The following ZNF529 variants were observed in gnomAD, a reference collection of about 807,000 sequenced individuals.
The protein encoded by ZNF529 is zinc finger protein 529.
ZNF529 carries 11 observed loss-of-function variants against 10.1 expected under a neutral mutation model. The ratio of observed to expected loss-of-function variants is 1.09; its 90% confidence interval spans 0.69 to 1.81. ZNF529 has a LOEUF of 1.81. Ranked by LOEUF, ZNF529 falls within the 40% of genes most tolerant of loss-of-function variation. ZNF529 has a pLI of 0.00. For synonymous variants in ZNF529, 204 were observed against 215.7 expected, an observed-to-expected ratio of 0.95 and a Z score of 0.47; for missense variants, 624 against 666.8, an observed-to-expected ratio of 0.94 and a Z score of 0.71.
At chr19:36,556,828 A>G (rs1159502724) in intron 2 of ZNF529, among the ~76,000 whole-genome samples, 4 of 152,214 alleles carry the variant, frequency 2.6e-5, no homozygotes, top group African/African-American at 9.7e-5. Context: ...CATAGAACAG[A>G]GAGTTCTGTA....
intron 2 of ZNF529, among the ~76,000 whole-genome samples, chr19:36,567,400 G>A (rs2035938888): frequency 6.6e-6 from 1 of 151,882 alleles, no homozygotes; most frequent in Non-Finnish European, 1.5e-5. Context: ...CTCTTAGAAG[G>A]AAATGTAGGG....
At chr19:36,592,000 A>C (rs1326177357) in intron 1 of ZNF529, among the ~76,000 whole-genome samples, 1 of 151,602 alleles carries the variant, frequency 6.6e-6, no homozygotes, top group Non-Finnish European at 1.5e-5. Flanking sequence ...TTGGCTGGGC[A>C]TAGCAGCTCG....
intron 2 of ZNF529, chr19:36,580,522 G>A (rs1004592219): frequency 2.8e-4 from 42 of 152,120 alleles, no homozygotes; most frequent in African/African-American, 1.0e-3. Context: ...AATCTTATGG[G>A]ACCACCATTG....
rs2036084450 is a variant in ZNF529, at chr19:36,570,993, A to C, written c.14+1340T>G. On this transcript the variant is annotated intron_variant, in intron 2 of 4. Coordinates refer to ENST00000591340, the MANE Select transcript of ZNF529 (RefSeq NM_020951.5). ...AAACTGTAAAGCGGAAAAATGAGTA[A>C]CTATTAACCCCTTTGAAATGCAGTG... Among the ~76,000 whole-genome samples, 3 of 152,228 alleles carry C rather than the reference A, an allele frequency of 2.0e-5. No homozygotes were observed. In the South Asian group the frequency reaches 6.2e-4, roughly 31 times the overall value.
At chr19:36,585,429 A>G (rs997649512) in intron 2 of ZNF529, among the ~76,000 whole-genome samples, 8 of 152,140 alleles carry the variant, frequency 5.3e-5, no homozygotes, top group African/African-American at 1.9e-4. Context: ...CCCCACCTGC[A>G]CTGTTTTTAG....
chr19:36,565,316 C>T (rs1161524988), intron 2 of ZNF529, among the ~76,000 whole-genome samples: 1 of 152,092 alleles, frequency 6.6e-6, no homozygotes, highest in African/African-American at 2.4e-5. Context: ...AACTGAGGGA[C>T]CTCATTCGAA....
In ZNF529 at chr19:36,597,930, C is replaced by G. The variant is rs2036865263; in HGVS notation, c.-128+7196G>C. ...AGGAGACTGGATAAATTATCCAGAT[C>G]CTACATTATTGCCTGAACAGGTAGA... On this transcript the variant is annotated intron_variant, in intron 1 of 4. Transcript: ENST00000585960. Among the ~76,000 whole-genome samples the G allele has an allele frequency of 3.3e-5, 5 of 152,104 alleles. No homozygotes were observed. In the South Asian group the frequency reaches 1.0e-3, roughly 32 times the overall value.
At chr19:36,587,084 G>A (rs998633237) in intron 2 of ZNF529, among the ~76,000 whole-genome samples, 25 of 151,982 alleles carry the variant, frequency 1.6e-4, no homozygotes, top group African/African-American at 5.8e-4. Context: ...GGCCAACATG[G>A]TGAAACCCCA....
intron 2 of ZNF529, among the ~76,000 whole-genome samples, chr19:36,560,025 G>C (rs1267876459): frequency 6.6e-6 from 1 of 152,126 alleles, no homozygotes; most frequent in Non-Finnish European, 1.5e-5. Flanking sequence ...TTGAGAGGCT[G>C]AGGCGGGAGG....
chr19:36,564,451 C>T (rs1372038141), intron 2 of ZNF529, among the ~76,000 whole-genome samples: 3 of 152,290 alleles, frequency 2.0e-5, no homozygotes, highest in South Asian at 4.1e-4. Context: ...TGAACAGACC[C>T]TTCTCAAAAG....
rs1460365111 is a variant in ZNF529, at chr19:36,568,466, TTTTC to T, written c.14+3863_14+3866del. Among the ~76,000 whole-genome samples, 5 of 134,024 alleles carry T rather than the reference TTTTC, an allele frequency of 3.7e-5. No homozygotes were observed. In the South Asian group the frequency reaches 1.3e-3, roughly 36 times the overall value. The allele number at this position is 134,024 out of a possible 152,430, so 87.9% of individuals were successfully genotyped here. ...AGGTACTGGTTTCTGTTTTATCTGATTTTCTTTCTTTTTTTTTTTTTTTTACACA... is the reference window on the plus strand; with the variant it reads ...AGGTACTGGTTTCTGTTTTATCTGATTTTCTTTTTTTTTTTTTTTTACACA... On this transcript the variant is annotated intron_variant, in intron 2 of 4. Transcript: ENST00000591340.
chr19:36,569,602 T>TA (rs532554413), intron 2 of ZNF529, among the ~76,000 whole-genome samples: 139 of 141,194 alleles, frequency 9.8e-4, no homozygotes, highest in East Asian at 2.4e-3. Flanking sequence ...CTGTCTCTAC[T>TA]AAAAAAAAAA....
At chr19:36,570,676 A>C (rs543617246) in intron 2 of ZNF529, among the ~76,000 whole-genome samples, 2 of 152,314 alleles carry the variant, frequency 1.3e-5, no homozygotes, top group East Asian at 3.9e-4. Flanking sequence ...AAATCATTGA[A>C]CCTAAGACAG....
At chr19:36,556,443 G>T (rs940013000) in intron 2 of ZNF529, among the ~76,000 whole-genome samples, 3 of 152,138 alleles carry the variant, frequency 2.0e-5, no homozygotes, top group Admixed American at 1.3e-4. Context: ...CTCAACCCTT[G>T]CCCCAGTCAG....
intron 4 of ZNF529, 91 bp downstream of exon 4, chr19:36,554,579 T>C (rs1600259650): frequency 1.7e-6 from 2 of 1,188,874 alleles, no homozygotes; most frequent in Admixed American, 3.2e-5. Context: ...CTCCATCTCA[T>C]AAACAAAACA....
intron 2 of ZNF529, among the ~76,000 whole-genome samples, chr19:36,570,336 G>C (rs1322701783): frequency 1.2e-4 from 16 of 137,156 alleles, no homozygotes; most frequent in Non-Finnish European, 2.1e-4. Flanking sequence ...ATTTCAGCCT[G>C]GGTGAGAGAG....
Position 36,554,692 on chromosome 19 carries a change from G to C in ZNF529, c.213C>G (p.Asn71Lys), listed in dbSNP as rs1427622889. Residue 71 changes from asparagine (N) to lysine (K), a missense_variant, in exon 4 of 5, where the codon AAC becomes AAG. Coordinates refer to ENST00000591340, the MANE Select transcript of ZNF529 (RefSeq NM_020951.5). ...TACCCAGTGAGAGTAAGTTGCTGTAGTTCTCCATCATCACATCCCAGTACA... is the reference window on the plus strand; with the variant it reads ...TACCCAGTGAGAGTAAGTTGCTGTACTTCTCCATCATCACATCCCAGTACA... ...RNLYWDVMME[N>K]YSNLLSLDLE... The C allele has an allele frequency of 6.4e-7, 1 of 1,568,154 alleles. No homozygotes were observed. Among genetic ancestry groups the C allele is most frequent in the East Asian group, 2.3e-5 (1 of 42,958 alleles).
intron 2 of ZNF529, among the ~76,000 whole-genome samples, chr19:36,566,801 C>T (rs908004164): frequency 6.6e-6 from 1 of 152,044 alleles, no homozygotes; most frequent in African/African-American, 2.4e-5. Context: ...AGGTACATCA[C>T]CTGAGGTCGG....
intron 1 of ZNF529, among the ~76,000 whole-genome samples, chr19:36,602,249 T>A (rs2036936322): frequency 6.6e-6 from 1 of 152,062 alleles, no homozygotes; most frequent in Non-Finnish European, 1.5e-5. Context: ...TGTTTTGCCA[T>A]GTTGGTCAGG....
Sources: allele counts gnomAD v4.1 joint callset (sites outside exome capture counted in the v4.1 genomes callset), GRCh38; gene constraint gnomAD v4.1.1; transcripts MANE v1.5; gene names NCBI Gene and HGNC (gene_info 2026-07-23, HGNC 2026-07-21).